CHCT1: variants seen among roughly 807,000 people sequenced by gnomAD.
CHCT1 encodes CHD1 helical C-terminal domain containing protein 1.
At chr17:60,425,340 C>T in the CHCT1 span, among the ~76,000 whole-genome samples, 1 of 152,146 alleles carries the variant, frequency 6.6e-6, no homozygotes, top group Non-Finnish European at 1.5e-5. Flanking sequence ...CGCCACCATG[C>T]CCAGCTAATT....
the CHCT1 span, chr17:60,425,636 C>T: frequency 5.1e-6 from 3 of 587,372 alleles, no homozygotes; most frequent in East Asian, 2.8e-5. Flanking sequence ...TTTCTTTGCC[C>T]AAGGCTCACT....
chr17:60,427,351 AT>A, the CHCT1 span, among the ~76,000 whole-genome samples: 1 of 152,136 alleles, frequency 6.6e-6, no homozygotes, highest in African/African-American at 2.4e-5. Flanking sequence ...TGCTATGGCA[AT>A]GGTAAACTGA....
chr17:60,422,711 C>A, the CHCT1 span: 1 of 1,443,918 alleles, frequency 6.9e-7, no homozygotes. Flanking sequence ...AAGTAGAGAA[C>A]ATGAAATTCA....
chr17:60,422,595 G>A, the CHCT1 span: 2 of 1,550,652 alleles, frequency 1.3e-6, no homozygotes, highest in African/African-American at 1.4e-5. Flanking sequence ...CTGCTGAGAT[G>A]GAGGCCTCAG....
the CHCT1 span, chr17:60,426,881 G>C: frequency 6.5e-7 from 1 of 1,540,428 alleles, no homozygotes; most frequent in Non-Finnish European, 8.7e-7. Flanking sequence ...TTAGACTTGC[G>C]GGGAGGCCTG....
the CHCT1 span, chr17:60,429,406 C>G: frequency 2.9e-3 from 4,608 of 1,614,140 alleles, 104 homozygotes; most frequent in African/African-American, 0.051. Context: ...CCTTGCTGGC[C>G]GACCGGGAAG....
the CHCT1 span, among the ~76,000 whole-genome samples, chr17:60,427,116 T>G: frequency 1.3e-5 from 2 of 152,204 alleles, no homozygotes; most frequent in Non-Finnish European, 1.5e-5. Context: ...ACAGCAAGTT[T>G]ATGGAAGCGG....
At chr17:60,421,889 G>C in the CHCT1 span, 1 of 985,334 alleles carries the variant, frequency 1.0e-6, no homozygotes. Context: ...GCGTCTCAGC[G>C]CCTCCTGTGT....
chr17:60,426,535 C>G, the CHCT1 span: 1 of 1,068,474 alleles, frequency 9.4e-7, no homozygotes, highest in South Asian at 1.6e-5. Context: ...TGCGTGCAGG[C>G]GCTCAATACC....
chr17:60,421,959 G>C, the CHCT1 span: 1 of 985,228 alleles, frequency 1.0e-6, no homozygotes, highest in African/African-American at 1.7e-5. Flanking sequence ...TACAGAGCCC[G>C]TAGGCACTGG....
At chr17:60,426,045 C>T in the CHCT1 span, 1 of 1,303,416 alleles carries the variant, frequency 7.7e-7, no homozygotes, top group Non-Finnish European at 1.1e-6. Context: ...CCTCCCGAAA[C>T]ACGCAGCACT....
At chr17:60,425,917 CT>C in the CHCT1 span, 113 of 1,514,374 alleles carry the variant, frequency 7.5e-5, no homozygotes, top group Non-Finnish European at 9.5e-5. Flanking sequence ...ACCCTGTCCC[CT>C]TTTCCCCATT....
chr17:60,425,687 A>T, the CHCT1 span: 8 of 865,138 alleles, frequency 9.2e-6, no homozygotes, highest in South Asian at 1.1e-4. Context: ...GGCAATGGAG[A>T]AGGGCTTTGG....
chr17:60,426,418 C>T, the CHCT1 span: 4 of 1,373,142 alleles, frequency 2.9e-6, no homozygotes, highest in African/African-American at 1.5e-5. Context: ...TTAGTCAATC[C>T]CCCAGTCCTT....
the CHCT1 span, among the ~76,000 whole-genome samples, chr17:60,428,899 G>T: frequency 1.9e-4 from 29 of 149,516 alleles, no homozygotes; most frequent in South Asian, 4.9e-3. Flanking sequence ...GCTTACAAAG[G>T]CTCCCATTTT....
At chr17:60,429,473 A>C in the CHCT1 span, 2 of 1,614,254 alleles carry the variant, frequency 1.2e-6, no homozygotes, top group Non-Finnish European at 1.7e-6. Flanking sequence ...CAGCGGCATG[A>C]AGGAGCGGCT....
At chr17:60,423,026 C>T in the CHCT1 span, among the ~76,000 whole-genome samples, 1 of 152,112 alleles carries the variant, frequency 6.6e-6, no homozygotes, top group African/African-American at 2.4e-5. Flanking sequence ...TGGCCTTTCC[C>T]TTCAGAGTGG....
At chr17:60,423,106 A>T in the CHCT1 span, among the ~76,000 whole-genome samples, 2 of 152,298 alleles carry the variant, frequency 1.3e-5, no homozygotes, top group Admixed American at 1.3e-4. Flanking sequence ...AAGCTTTTGA[A>T]AGGTGAGGGG....
At chr17:60,426,841 G>C in the CHCT1 span, 2 of 1,569,964 alleles carry the variant, frequency 1.3e-6, no homozygotes, top group Admixed American at 3.7e-5. Context: ...CATTCCGCCC[G>C]AGCACAGCTG....
Sources: gnomAD v4.1 joint callset for allele counts (sites outside exome capture counted in the v4.1 genomes callset) on GRCh38, gnomAD v4.1.1 for gene constraint, MANE v1.5 for transcripts, NCBI Gene and HGNC (gene_info 2026-07-23, HGNC 2026-07-21) for gene names.